Variants in SV2C observed in about 807,000 individuals in gnomAD.
The protein encoded by SV2C is synaptic vesicle glycoprotein 2C.
In SV2C, 49 loss-of-function variants were observed where a neutral mutation model predicts 79.7. The observed-to-expected ratio is 0.61, with a 90% CI of 0.49 to 0.78. The LOEUF (loss-of-function observed/expected upper bound fraction) is 0.78, where lower values mean the gene tolerates loss of function less well. SV2C is among the 30% of genes least tolerant of loss of function. The pLI, the probability that SV2C is intolerant of heterozygous loss-of-function variation, is 0.00. For synonymous variants in SV2C, 334 were observed against 333.2 expected (o/e 1.00, Z -0.03); for missense variants, 833 against 912.9 (o/e 0.91, Z 1.13).
At chr5:76,139,271 G>C (rs1749173394) in intron 2 of SV2C, among the ~76,000 whole-genome samples, 1 of 152,046 alleles carries the variant, frequency 6.6e-6, no homozygotes, top group African/African-American at 2.4e-5. Context: ...TCTATCTAGG[G>C]GCCACATGTA....
At chr5:76,337,447 G>A (rs1749350853), downstream of SV2C, among the ~76,000 whole-genome samples, 2 of 152,308 alleles carry the variant, frequency 1.3e-5, no homozygotes, top group South Asian at 2.1e-4. Flanking sequence ...GCGGGGTTGG[G>A]ACTTCAACAT....
At chr5:75,848,643 T>C in the SV2C span, among the ~76,000 whole-genome samples, 1 of 152,200 alleles carries the variant, frequency 6.6e-6, no homozygotes, top group Admixed American at 6.5e-5. Flanking sequence ...ATGTTTGCAC[T>C]GTTTAGTTCA....
At chr5:76,070,524 G>C in the SV2C span, among the ~76,000 whole-genome samples, 1 of 152,196 alleles carries the variant, frequency 6.6e-6, no homozygotes, top group Non-Finnish European at 1.5e-5. Flanking sequence ...CTGGGACTCT[G>C]AGGTCTCAGC....
At chr5:75,914,793 C>G in the SV2C span, among the ~76,000 whole-genome samples, 3 of 152,264 alleles carry the variant, frequency 2.0e-5, no homozygotes, top group South Asian at 6.2e-4. Context: ...TACATGAAAA[C>G]TTATGGATGT....
At chr5:76,315,431 C>T (rs1487649314) in intron 12 of SV2C, among the ~76,000 whole-genome samples, 1 of 152,084 alleles carries the variant, frequency 6.6e-6, no homozygotes, top group Non-Finnish European at 1.5e-5. Flanking sequence ...TGGAAGATCT[C>T]AGGAAATCTG....
At chr5:75,995,992 A>G in the SV2C span, among the ~76,000 whole-genome samples, 31,377 of 152,146 alleles carry the variant, frequency 0.21, 3,924 homozygotes, top group East Asian at 0.61. Context: ...CTCATGTGCT[A>G]TATGAGAGTG....
At chr5:76,158,340 T>G (rs977029440) in intron 2 of SV2C, among the ~76,000 whole-genome samples, 1 of 149,514 alleles carries the variant, frequency 6.7e-6, no homozygotes, top group Admixed American at 6.7e-5. Flanking sequence ...AGACTGAAAG[T>G]AAAAGGAAAG....
the SV2C span, among the ~76,000 whole-genome samples, chr5:76,015,282 T>TG: frequency 6.6e-6 from 1 of 151,758 alleles, no homozygotes; most frequent in Admixed American, 6.6e-5. Flanking sequence ...CAGTCCCCAC[T>TG]AACTCCCACT....
At chr5:75,970,143 A>T in the SV2C span, among the ~76,000 whole-genome samples, 1 of 152,152 alleles carries the variant, frequency 6.6e-6, no homozygotes, top group African/African-American at 2.4e-5. Context: ...AAGATACAAC[A>T]TACCAGAATC....
At chr5:75,885,905 G>A in the SV2C span, among the ~76,000 whole-genome samples, 3 of 152,154 alleles carry the variant, frequency 2.0e-5, no homozygotes, top group Non-Finnish European at 2.9e-5. Flanking sequence ...TGGCAATGAG[G>A]AAAAGAGAGT....
chr5:76,093,081 T>C (rs1233459446), intron 1 of SV2C, among the ~76,000 whole-genome samples: 1 of 152,172 alleles, frequency 6.6e-6, no homozygotes, highest in Non-Finnish European at 1.5e-5. Flanking sequence ...GTATATTATA[T>C]AGAAAGAAAA....
intron 1 of SV2C, among the ~76,000 whole-genome samples, chr5:76,109,762 G>A (rs2112136320): frequency 6.6e-6 from 1 of 152,234 alleles, no homozygotes. Context: ...GCAAGAAAGG[G>A]TTCTCTACAG....
At chr5:76,235,547 C>G (rs1320856279) in intron 4 of SV2C, among the ~76,000 whole-genome samples, 1 of 152,098 alleles carries the variant, frequency 6.6e-6, no homozygotes, top group Non-Finnish European at 1.5e-5. Flanking sequence ...AGGAAGAGTA[C>G]TGCAGTGTGA....
chr5:76,014,991 G>C, the SV2C span, among the ~76,000 whole-genome samples: 17 of 152,112 alleles, frequency 1.1e-4, no homozygotes, highest in African/African-American at 2.4e-5. Flanking sequence ...AGAAGACATA[G>C]TCATTGCCCA....
the SV2C span, among the ~76,000 whole-genome samples, chr5:75,924,737 C>T: frequency 2.0e-5 from 3 of 150,366 alleles, no homozygotes; most frequent in African/African-American, 4.9e-5. Context: ...TAAAATTAGG[C>T]CTTTCTTTGA....
chr5:75,934,968 A>G, the SV2C span, among the ~76,000 whole-genome samples: 3 of 151,348 alleles, frequency 2.0e-5, no homozygotes, highest in African/African-American at 7.3e-5. Flanking sequence ...AAAAGAGCAT[A>G]TGCTCACAAA....
the SV2C span, among the ~76,000 whole-genome samples, chr5:76,002,170 GTATATATA>G: frequency 4.7e-5 from 7 of 150,422 alleles, no homozygotes; most frequent in African/African-American, 9.8e-5. Context: ...TTTTGTGTGT[GTATATATA>G]TATATATATA....
the SV2C span, among the ~76,000 whole-genome samples, chr5:75,906,026 A>G: frequency 6.6e-6 from 1 of 151,170 alleles, no homozygotes; most frequent in East Asian, 1.9e-4. Context: ...TGGTCGTGTG[A>G]TGATGAGAGT....
At chr5:76,304,773 C>T (rs1406997189) in intron 12 of SV2C, among the ~76,000 whole-genome samples, 1 of 152,076 alleles carries the variant, frequency 6.6e-6, no homozygotes, top group Non-Finnish European at 1.5e-5. Context: ...TTTATGAGGG[C>T]CTTAATCCCA....
Sources: gnomAD v4.1 joint callset for allele counts (sites outside exome capture counted in the v4.1 genomes callset) on GRCh38, gnomAD v4.1.1 for gene constraint, MANE v1.5 for transcripts, NCBI Gene and HGNC (gene_info 2026-07-23, HGNC 2026-07-21) for gene names.